DDX4: variants seen among roughly 807,000 people sequenced by gnomAD.
The protein encoded by DDX4 is probable ATP-dependent RNA helicase DDX4.
DDX4 carries 25 observed loss-of-function variants against 100.0 expected under a neutral mutation model. That is an observed-to-expected ratio of 0.25 (90% CI 0.18 to 0.35). The LOEUF (loss-of-function observed/expected upper bound fraction) is 0.35. Ranked by LOEUF, DDX4 falls within the 10% of genes least tolerant of loss-of-function variation. The probability of loss-of-function intolerance (pLI) is 1.00; values close to 1 mark genes in which losing one functional copy is unlikely to be tolerated. For missense variants in DDX4, 635 were observed against 882.4 expected (o/e 0.72, Z 3.55); for synonymous variants, 259 against 275.7 (o/e 0.94, Z 0.60).
intron 3 of DDX4, among the ~76,000 whole-genome samples, chr5:55,755,281 G>A (rs1411199529): frequency 6.6e-6 from 1 of 152,066 alleles, no homozygotes; most frequent in Non-Finnish European, 1.5e-5. Context: ...TAATTATGAT[G>A]TTTGCATTAG....
At chr5:55,806,220 CTTT>C (rs1168404830) in intron 18 of DDX4, among the ~76,000 whole-genome samples, 13 of 152,046 alleles carry the variant, frequency 8.6e-5, no homozygotes, top group Non-Finnish European at 1.5e-4. Flanking sequence ...CTCTTTTCTT[CTTT>C]ATTAGTCTTG....
chr5:55,741,050 A>G (rs1476693459), intron 2 of DDX4, among the ~76,000 whole-genome samples: 3 of 152,190 alleles, frequency 2.0e-5, no homozygotes, highest in Non-Finnish European at 4.4e-5. Context: ...TTGTTATAAC[A>G]CAAAGTTTAA....
intron 17 of DDX4, among the ~76,000 whole-genome samples, chr5:55,794,183 CTTT>C (rs70995739): frequency 2.2e-5 from 3 of 136,182 alleles, no homozygotes; most frequent in Non-Finnish European, 3.2e-5. Context: ...TATTTTCTTT[CTTT>C]TTTTTTTTTT....
At chr5:55,801,771 A>T (rs1186651770) in intron 18 of DDX4, among the ~76,000 whole-genome samples, 2 of 152,176 alleles carry the variant, frequency 1.3e-5, no homozygotes, top group African/African-American at 4.8e-5. Context: ...TTTGTCTGGA[A>T]GTTTTCATAA....
chr5:55,807,175 G>A (rs371405444), intron 18 of DDX4, among the ~76,000 whole-genome samples: 1 of 151,978 alleles, frequency 6.6e-6, no homozygotes, highest in Non-Finnish European at 1.5e-5. Context: ...CATTTGCTTG[G>A]TAGATCTTCC....
At chr5:55,806,830 G>A (rs558370489) in intron 18 of DDX4, among the ~76,000 whole-genome samples, 1 of 152,308 alleles carries the variant, frequency 6.6e-6, no homozygotes, top group South Asian at 2.1e-4. Flanking sequence ...TTCTATAGAT[G>A]TCTGTTAGGT....
At chr5:55,769,370 G>A (rs1741123232) in intron 7 of DDX4, among the ~76,000 whole-genome samples, 1 of 152,102 alleles carries the variant, frequency 6.6e-6, no homozygotes, top group African/African-American at 2.4e-5. Context: ...TATTGAATAA[G>A]GAATCCTTTC....
intron 2 of DDX4, among the ~76,000 whole-genome samples, chr5:55,743,660 C>T (rs1368709836): frequency 2.0e-5 from 3 of 152,154 alleles, no homozygotes; most frequent in African/African-American, 7.2e-5. Context: ...GAACTCCTGA[C>T]CTCAGGTGAT....
intron 18 of DDX4, among the ~76,000 whole-genome samples, chr5:55,802,786 T>TA (rs1318057624): frequency 2.6e-5 from 4 of 152,196 alleles, no homozygotes; most frequent in Admixed American, 2.6e-4. Context: ...GTAAATTTGT[T>TA]ACCGGTAATT....
At chr5:55,781,579 C>A (rs1357550636) in intron 9 of DDX4, among the ~76,000 whole-genome samples, 4 of 151,992 alleles carry the variant, frequency 2.6e-5, no homozygotes, top group South Asian at 2.1e-4. Context: ...GAGTTCGACA[C>A]CAGCGTGGCC....
Position 55,794,416 on chromosome 5 carries a change from T to C in DDX4, c.1469+1609T>C, listed in dbSNP as rs1168321241. 2.0e-5 allele frequency among the ~76,000 whole-genome samples: 3 copies of C among 150,572 alleles called. No homozygotes were observed. In the East Asian group the frequency reaches 5.9e-4, roughly 29 times the overall value. ...GGTTTCACCATGTTGGCCAGGCTGG[T>C]CTTGAACTCCTGACCTCAGGTGATC... On this transcript the variant is annotated intron_variant, in intron 17 of 21. Transcript: ENST00000505374.
At position 55,747,224 on chromosome 5, in the gene DDX4, T is replaced by C. The variant is rs139026661; in HGVS notation, c.127+1003T>C. ...GGTGAAACCCCGTCTCTACTAAAAA[T>C]ACAAAAATTAGGGTGTGGTGCTGCA... On this transcript the variant is annotated intron_variant, in intron 3 of 21. Coordinates refer to ENST00000505374, the MANE Select transcript of DDX4 (RefSeq NM_024415.3). 2.2e-3 allele frequency among the ~76,000 whole-genome samples: 330 copies of C among 152,008 alleles called. 1 individual carries two copies. Among genetic ancestry groups the C allele is most frequent in the African/African-American group, 6.0e-3 (249 of 41,464 alleles).
In DDX4 at chr5:55,785,746, A is replaced by G; in HGVS notation, c.739A>G (p.Ile247Val). 6.2e-7 allele frequency: 1 copy of G among 1,612,494 alleles called. No homozygotes were observed. Among genetic ancestry groups the G allele is most frequent in the Middle Eastern group, 1.7e-4 (1 of 6,060 alleles). ...ATTCCAAGGACCAAAAGTGACCTAC[A>G]TACCCCCTCCTCCACCTGAGGATGA... is the stretch of plus-strand genomic sequence containing the variant. ...SDTQGPKVTY[I>V]PPPPPEDEDS... The change falls in exon 13 of 22, where the codon ATA becomes GTA. Residue 247 changes from isoleucine to valine, a missense_variant. Ile to Val is a conservative substitution (Grantham distance 29). Coordinates refer to ENST00000505374, the MANE Select transcript of DDX4 (RefSeq NM_024415.3).
intron 2 of DDX4, chr5:55,742,291 C>A: frequency 2.2e-6 from 1 of 452,672 alleles, no homozygotes; most frequent in Non-Finnish European, 4.5e-6. Context: ...TACTTACTAG[C>A]TGTGAGGCCT....
At chr5:55,774,821 G>C (rs189976910) in intron 7 of DDX4, among the ~76,000 whole-genome samples, 3 of 152,284 alleles carry the variant, frequency 2.0e-5, no homozygotes, top group Admixed American at 1.3e-4. Flanking sequence ...CCTTGGAGTT[G>C]AGCTTCTTGG....
At position 55,811,365 on chromosome 5, in the gene DDX4, G is replaced by A. The variant is rs142265820; in HGVS notation, c.1616-2308G>A. Among the ~76,000 whole-genome samples the A allele has an allele frequency of 9.2e-3, 1,402 of 152,140 alleles. 6 individuals are homozygous for A. Among genetic ancestry groups the A allele is most frequent in the Middle Eastern group, 0.034 (10 of 294 alleles). ...AATGTGTCTCCCCCAGGTTCTCTAA[G>A]ATCCCCTAATTGGGTCTGCAAGGTA... is the stretch of plus-strand genomic sequence containing the variant. On this transcript the variant is annotated intron_variant, in intron 18 of 21. Coordinates refer to ENST00000505374, the MANE Select transcript of DDX4 (RefSeq NM_024415.3).
intron 2 of DDX4, chr5:55,742,136 TGTGAA>T (rs1408433128): frequency 6.6e-6 from 3 of 456,044 alleles, no homozygotes; most frequent in Non-Finnish European, 1.3e-5. Flanking sequence ...CAGCGAAAGA[TGTGAA>T]GTTAAGAAAG....
intron 14 of DDX4, 103 bp from the exon 15 acceptor site, chr5:55,787,743 G>C (rs568504592): frequency 8.0e-7 from 1 of 1,244,988 alleles, no homozygotes; most frequent in African/African-American, 1.5e-5. Flanking sequence ...TTACCAGTAA[G>C]ATGGAAGTAG....
In DDX4 at chr5:55,787,885, G is replaced by A; in HGVS notation, c.1057G>A (p.Asp353Asn). The A allele has an allele frequency of 1.2e-6, 2 of 1,613,938 alleles. No individual in the cohort carries two copies. Among genetic ancestry groups the A allele is most frequent in the Non-Finnish European group, 1.7e-6 (2 of 1,179,976 alleles). Reference sequence around the variant, plus strand: ...ACCAATTTTGGCTCATATGATGCATGATGGAATAACTGCCAGTCGTTTTAA... The same window carrying A: ...ACCAATTTTGGCTCATATGATGCATAATGGAATAACTGCCAGTCGTTTTAA... ...LLPILAHMMHDGITASRFKEL... is the reference protein window; with the variant it reads ...LLPILAHMMHNGITASRFKEL... The change falls in exon 15 of 22, where the codon GAT becomes AAT. Residue 353 changes from aspartate to asparagine, a missense_variant. Around this residue, in one of 4 missense-constraint regions of DDX4, gnomAD observed 446 missense variants for 540.8 expected, o/e 0.82. Coordinates refer to ENST00000505374, the MANE Select transcript of DDX4 (RefSeq NM_024415.3).
Sources: allele counts gnomAD v4.1 joint callset (sites outside exome capture counted in the v4.1 genomes callset), GRCh38; gene constraint gnomAD v4.1.1; regional missense constraint gnomAD v4.1.1; transcripts MANE v1.5; gene names NCBI Gene and HGNC (gene_info 2026-07-23, HGNC 2026-07-21).